Variants in PRDM15 observed in about 807,000 individuals in gnomAD.
PRDM15 encodes the protein PR/SET domain 15, also known as PR domain zinc finger protein 15.
PRDM15 carries 64 observed loss-of-function variants against 128.6 expected under a neutral mutation model. The ratio of observed to expected loss-of-function variants is 0.50; its 90% CI spans 0.41 to 0.61. The LOEUF (loss-of-function observed/expected upper bound fraction) is 0.61, where lower values mean the gene tolerates loss of function less well. Among genes scored for constraint, PRDM15 ranks in the 20% least tolerant of loss-of-function variants. The pLI is 0.00. For synonymous variants in PRDM15, 615 were observed against 621.8 expected, an observed-to-expected ratio of 0.99 and a Z score of 0.16; for missense variants, 1,242 against 1,569.1, an observed-to-expected ratio of 0.79 and a Z score of 3.52.
chr21:41,827,057 G>C (rs1473648262), intron 12 of PRDM15, among the ~76,000 whole-genome samples: 2 of 152,170 alleles, frequency 1.3e-5, no homozygotes, highest in African/African-American at 4.8e-5. Flanking sequence ...GCAATGCTAG[G>C]GATTCAGGTC....
chr21:41,825,109 C>T (rs966086726), intron 13 of PRDM15, among the ~76,000 whole-genome samples: 2 of 152,264 alleles, frequency 1.3e-5, no homozygotes, highest in Non-Finnish European at 2.9e-5. Context: ...AACCCTTACT[C>T]TGCAGCATGA....
Position 41,820,308 on chromosome 21 carries a change from T to C in PRDM15, c.2061-134A>G, listed in dbSNP as rs1283217663. 4 of 686,928 alleles carry C rather than the reference T, an allele frequency of 5.8e-6. No individual in the cohort carries two copies. The African/African-American group carries it at 7.1e-5, about 12-fold the overall frequency. 42.6% of individuals were successfully genotyped at this position (686,928 alleles called of 1,614,324 possible). A position where few individuals can be genotyped will look rare whatever the true frequency, so the allele number is the denominator to read the frequency against. ...CGGGGATGATAAAAGAAGCAGATAT[T>C]TGAGCCTCTGCCACGGGCTCAATCG... On this transcript the variant is annotated intron_variant, in intron 16 of 23. Coordinates refer to ENST00000398548, the MANE Select transcript of PRDM15 (RefSeq NM_001040424.3).
chr21:41,874,521 A>AATT (rs1555894622), intron 1 of PRDM15, among the ~76,000 whole-genome samples: 1 of 47,932 alleles, frequency 2.1e-5, no homozygotes, highest in African/African-American at 5.6e-5. Flanking sequence ...ATATATATAT[A>AATT]TATATTTTTT....
chr21:41,801,775 G>T, intron 23 of PRDM15, 53 bp from the exon 24 acceptor site: 1 of 1,570,418 alleles, frequency 6.4e-7, no homozygotes, highest in South Asian at 1.2e-5. Context: ...AATGGGGAAC[G>T]CAAGGACCTC....
chr21:41,815,867 A>G (rs1436897571), intron 18 of PRDM15, 31 bp from the exon 19 acceptor site: 6 of 1,608,346 alleles, frequency 3.7e-6, no homozygotes, highest in Non-Finnish European at 5.1e-6. Context: ...AGAGGCGGCC[A>G]CACCCCCACG....
intron 21 of PRDM15, among the ~76,000 whole-genome samples, chr21:41,808,580 T>C (rs2061754985): frequency 6.6e-6 from 1 of 152,162 alleles, no homozygotes; most frequent in African/African-American, 2.4e-5. Flanking sequence ...TGGAGAAAAA[T>C]GTGAAGACAA....
In PRDM15 at chr21:41,839,856, G is replaced by A. The variant is rs2063018920; in HGVS notation, c.641-3C>T. ...TTCTAAGTGGCCCAACAGATGTTCT[G>A]CAAAGAGAGACGCGAATGCACCACA... is the stretch of plus-strand genomic sequence containing the variant. On this transcript the variant is annotated splice_polypyrimidine_tract_variant and splice_region_variant and intron_variant, in intron 6 of 23. Coordinates refer to ENST00000398548, the MANE Select transcript of PRDM15 (RefSeq NM_001040424.3). The A allele has an allele frequency of 6.2e-7, 1 of 1,613,590 alleles. No homozygotes were observed.
rs1050610110 is a variant in PRDM15, at chr21:41,803,002, T to C, written c.2734-81A>G. ...GGCCAGGGCAGCCCCAGCACTGCCC[T>C]GGACACACTCTCCAATCAGTGGGGA... On this transcript the variant is annotated intron_variant, in intron 22 of 23. Transcript: ENST00000398548. 6 of 1,063,988 alleles carry C rather than the reference T, an allele frequency of 5.6e-6. No individual in the cohort carries two copies. The African/African-American group carries it at 6.2e-5, about 11-fold the overall frequency. 65.9% of individuals were successfully genotyped at this position (1,063,988 alleles called of 1,614,324 possible).
At chr21:41,836,414 C>T in intron 9 of PRDM15, 54 bp downstream of exon 9, 2 of 1,559,812 alleles carry the variant, frequency 1.3e-6, no homozygotes, top group Non-Finnish European at 1.7e-6. Flanking sequence ...CCTCCCACCC[C>T]CAGCCCCAGT....
At chr21:41,860,284 T>C (rs774632275) in intron 2 of PRDM15, 43 bp downstream of exon 2, 1 of 1,537,434 alleles carries the variant, frequency 6.5e-7, no homozygotes, top group South Asian at 1.1e-5. Flanking sequence ...TTCTATGACA[T>C]AGGGCTGGTC....
chr21:41,841,909 G>A (rs2063084768), intron 6 of PRDM15, among the ~76,000 whole-genome samples: 2 of 152,140 alleles, frequency 1.3e-5, no homozygotes, highest in African/African-American at 4.8e-5. Flanking sequence ...ATGTTATTAA[G>A]TGCATATAAA....
chr21:41,833,092 G>A (rs1300536230), intron 11 of PRDM15, among the ~76,000 whole-genome samples: 2 of 152,330 alleles, frequency 1.3e-5, no homozygotes, highest in Admixed American at 1.3e-4. Context: ...AGGGCACCTG[G>A]GGATGGAGAG....
intron 3 of PRDM15, among the ~76,000 whole-genome samples, chr21:41,857,768 G>GA (rs1237874627): frequency 2.6e-5 from 4 of 151,928 alleles, no homozygotes; most frequent in East Asian, 3.9e-4. Flanking sequence ...TCAAAGAAAA[G>GA]AAAAAAAACA....
intron 18 of PRDM15, among the ~76,000 whole-genome samples, chr21:41,819,074 G>A (rs1374780115): frequency 1.3e-5 from 2 of 152,170 alleles, no homozygotes; most frequent in Non-Finnish European, 2.9e-5. Flanking sequence ...CTTTTAAAAC[G>A]ATTTGTTTGT....
intron 18 of PRDM15, among the ~76,000 whole-genome samples, chr21:41,816,128 C>T (rs1001556645): frequency 4.6e-5 from 7 of 152,320 alleles, no homozygotes; most frequent in Admixed American, 2.6e-4. Flanking sequence ...TCCCTGCGTG[C>T]CCATGGCAAC....
intron 3 of PRDM15, among the ~76,000 whole-genome samples, chr21:41,858,334 C>T (rs1269809052): frequency 7.8e-6 from 1 of 127,624 alleles, no homozygotes; most frequent in Non-Finnish European, 1.7e-5. Flanking sequence ...GACATTGGGT[C>T]CCCAGAGCAC....
chr21:41,860,634 G>A lies in PRDM15; in HGVS notation c.-9-262C>T, dbSNP rs368192922. On this transcript the variant is annotated intron_variant, in intron 1 of 23. Coordinates refer to ENST00000398548, the MANE Select transcript of PRDM15 (RefSeq NM_001040424.3). Reference sequence around the variant, plus strand: ...GACGGGGTTTCACCATGTTGGCCAGGCTGGTCTCGATCTCTTGACCTTGTG... The same window carrying A: ...GACGGGGTTTCACCATGTTGGCCAGACTGGTCTCGATCTCTTGACCTTGTG... Among the ~76,000 whole-genome samples, 13 of 152,238 alleles carry A rather than the reference G, an allele frequency of 8.5e-5. 2 individuals carry two copies. Among genetic ancestry groups the A allele is most frequent in the East Asian group, 3.9e-4 (2 of 5,178 alleles).
intron 18 of PRDM15, among the ~76,000 whole-genome samples, chr21:41,817,632 G>A (rs751611986): frequency 1.3e-5 from 2 of 152,074 alleles, no homozygotes; most frequent in African/African-American, 4.8e-5. Context: ...TGAATCGTAC[G>A]AAGGGCTTGA....
intron 11 of PRDM15, chr21:41,834,463 C>T (rs1356933773): frequency 6.6e-7 from 1 of 1,519,680 alleles, no homozygotes; most frequent in Admixed American, 2.0e-5. Flanking sequence ...GTGACAGACA[C>T]AGAGCAGGCG....
Sources: gnomAD v4.1 joint callset for allele counts (sites outside exome capture counted in the v4.1 genomes callset) on GRCh38, gnomAD v4.1.1 for gene constraint, MANE v1.5 for transcripts, NCBI Gene and HGNC (gene_info 2026-07-23, HGNC 2026-07-21) for gene names.